The following ADAMTS17 variants were observed in gnomAD, a reference collection of about 807,000 sequenced individuals.
ADAMTS17 encodes A disintegrin and metalloproteinase with thrombospondin motifs 17.
Under a neutral mutation model 141.5 loss-of-function variants are expected in ADAMTS17, and 113 were observed. The observed-to-expected ratio is 0.80, with a 90% confidence interval of 0.69 to 0.93. ADAMTS17 has a LOEUF of 0.93. ADAMTS17 is among the 40% of genes least tolerant of loss of function. The pLI is 0.00. For synonymous variants in ADAMTS17, 768 were observed against 630.6 expected (o/e 1.22, Z -3.27); for missense variants, 1,659 against 1,517.9 (o/e 1.09, Z -1.54).
At chr15:100,090,109 G>T (rs527864372) in intron 15 of ADAMTS17, among the ~76,000 whole-genome samples, 13 of 152,052 alleles carry the variant, frequency 8.5e-5, no homozygotes, top group African/African-American at 3.1e-4. Context: ...TTTTAGGATT[G>T]TGGCACAAAA....
At chr15:100,008,846 C>T (rs958338364) in intron 18 of ADAMTS17, among the ~76,000 whole-genome samples, 6 of 152,074 alleles carry the variant, frequency 3.9e-5, no homozygotes, top group Non-Finnish European at 5.9e-5. Flanking sequence ...TTTGTTTGTT[C>T]GTTTGTTTCT....
chr15:100,001,886 C>A (rs2141364288), intron 18 of ADAMTS17, among the ~76,000 whole-genome samples: 1 of 148,046 alleles, frequency 6.8e-6, no homozygotes, highest in East Asian at 2.0e-4. Flanking sequence ...AGAGAACTGT[C>A]TGGACCGGGG....
chr15:100,035,517 G>A (rs2030621879), intron 18 of ADAMTS17, among the ~76,000 whole-genome samples: 1 of 152,058 alleles, frequency 6.6e-6, no homozygotes. Flanking sequence ...TTTCTGTTTT[G>A]GGGTTTGAGG....
intron 9 of ADAMTS17, among the ~76,000 whole-genome samples, chr15:100,153,606 T>C (rs547068768): frequency 1.4e-4 from 21 of 152,300 alleles, no homozygotes; most frequent in African/African-American, 4.6e-4. Flanking sequence ...ATAGCGCCAC[T>C]GCACTCCAGC....
chr15:100,254,304 G>C, intron 6 of ADAMTS17, 125 bp from the exon 7 acceptor site: 1 of 871,678 alleles, frequency 1.1e-6, no homozygotes, highest in Non-Finnish European at 1.8e-6. Flanking sequence ...ACAGGCCACA[G>C]CGAATGATAA....
intron 18 of ADAMTS17, among the ~76,000 whole-genome samples, chr15:100,034,342 T>C (rs1328232894): frequency 3.3e-5 from 5 of 152,376 alleles, no homozygotes; most frequent in Admixed American, 2.6e-4. Flanking sequence ...CGGAATCCCC[T>C]TTCCCTCTAA....
intron 7 of ADAMTS17, among the ~76,000 whole-genome samples, chr15:100,215,666 C>T (rs2041947745): frequency 6.6e-6 from 1 of 152,082 alleles, no homozygotes; most frequent in Non-Finnish European, 1.5e-5. Flanking sequence ...GAGTGCCCTT[C>T]TTGGTCCCTC....
At chr15:100,163,456 G>A (rs1017693181) in intron 8 of ADAMTS17, among the ~76,000 whole-genome samples, 1 of 152,030 alleles carries the variant, frequency 6.6e-6, no homozygotes, top group East Asian at 1.9e-4. Context: ...ATGGGCAGGA[G>A]GTGTGGAGTC....
chr15:100,308,821 T>G (rs1038930821), intron 3 of ADAMTS17, among the ~76,000 whole-genome samples: 1 of 152,098 alleles, frequency 6.6e-6, no homozygotes, highest in African/African-American at 2.4e-5. Context: ...GGGACACAAC[T>G]CATGCACAAC....
chr15:100,147,486 A>G (rs966140264), intron 10 of ADAMTS17, among the ~76,000 whole-genome samples: 1 of 152,202 alleles, frequency 6.6e-6, no homozygotes, highest in African/African-American at 2.4e-5. Flanking sequence ...GTACTGTACT[A>G]CTACTACTAC....
At chr15:100,221,614 C>T (rs1039317730) in intron 7 of ADAMTS17, among the ~76,000 whole-genome samples, 14 of 152,156 alleles carry the variant, frequency 9.2e-5, no homozygotes, top group South Asian at 4.1e-4. Context: ...ATCAGCCATA[C>T]GCCAAGTCAG....
chr15:100,154,911 C>A (rs900392744), intron 9 of ADAMTS17, among the ~76,000 whole-genome samples: 1 of 152,232 alleles, frequency 6.6e-6, no homozygotes, highest in Non-Finnish European at 1.5e-5. Context: ...AAATGGGTTT[C>A]TTTTCAAGAC....
intron 10 of ADAMTS17, among the ~76,000 whole-genome samples, chr15:100,147,223 G>A (rs2038950884): frequency 6.6e-6 from 1 of 151,946 alleles, no homozygotes; most frequent in African/African-American, 2.4e-5. Context: ...TCTCTCTTTT[G>A]TACTCTGTCC....
chr15:100,113,138 T>C (rs867941894), intron 13 of ADAMTS17, among the ~76,000 whole-genome samples: 1 of 152,158 alleles, frequency 6.6e-6, no homozygotes. Flanking sequence ...CTGCGGATTT[T>C]ACCAGCAGTG....
chr15:100,251,492 G>A (rs777201123), intron 7 of ADAMTS17, among the ~76,000 whole-genome samples: 5 of 152,232 alleles, frequency 3.3e-5, no homozygotes, highest in East Asian at 3.8e-4. Context: ...CTGGGAGGCC[G>A]AGGCGGATGG....
At chr15:100,334,001 T>C (rs541613021) in intron 2 of ADAMTS17, among the ~76,000 whole-genome samples, 15 of 152,366 alleles carry the variant, frequency 9.8e-5, no homozygotes, top group East Asian at 1.9e-4. Flanking sequence ...TGCTATACTA[T>C]AAGTGTGGCT....
At chr15:100,084,934 G>A (rs2035000436) in intron 15 of ADAMTS17, among the ~76,000 whole-genome samples, 2 of 152,182 alleles carry the variant, frequency 1.3e-5, no homozygotes, top group South Asian at 2.1e-4. Flanking sequence ...AAATCGGAGC[G>A]CCTCTCCTCC....
intron 10 of ADAMTS17, among the ~76,000 whole-genome samples, chr15:100,143,886 T>C (rs2038774828): frequency 6.6e-6 from 1 of 152,182 alleles, no homozygotes; most frequent in African/African-American, 2.4e-5. Context: ...TTTAAATTGA[T>C]TGGTCTTAAA....
At chr15:100,150,793 G>A (rs1178979757) in intron 10 of ADAMTS17, among the ~76,000 whole-genome samples, 2 of 152,126 alleles carry the variant, frequency 1.3e-5, no homozygotes, top group African/African-American at 4.8e-5. Flanking sequence ...GCTCAGCTGG[G>A]CACTACCCAC....
Sources: allele counts gnomAD v4.1 joint callset (sites outside exome capture counted in the v4.1 genomes callset), GRCh38; gene constraint gnomAD v4.1.1; transcripts MANE v1.5; gene names NCBI Gene and HGNC (gene_info 2026-07-23, HGNC 2026-07-21).